The following SPIRE2 variants were observed in gnomAD, a reference collection of about 807,000 sequenced individuals.
The protein encoded by SPIRE2 is protein spire homolog 2.
SPIRE2 carries 76 observed loss-of-function variants against 80.7 expected under a neutral mutation model. The ratio of observed to expected loss-of-function variants is 0.94; its 90% CI spans 0.78 to 1.14. The LOEUF (loss-of-function observed/expected upper bound fraction) is 1.14, where lower values mean the gene tolerates loss of function less well. SPIRE2 is among the 50% of genes most tolerant of loss of function. SPIRE2 has a pLI of 0.00. For synonymous variants in SPIRE2, 535 were observed against 432.6 expected (o/e 1.24, Z -2.94); for missense variants, 1,196 against 1,015.3 (o/e 1.18, Z -2.42).
intron 1 of SPIRE2, chr16:89,836,335 C>T: frequency 2.3e-6 from 1 of 434,062 alleles, no homozygotes; most frequent in Non-Finnish European, 4.7e-6. Context: ...ACACAGACAG[C>T]TTTAGGGGCC....
intron 2 of SPIRE2, 121 bp from the exon 3 acceptor site, chr16:89,850,183 C>T (rs2041608338): frequency 4.7e-6 from 4 of 842,610 alleles, no homozygotes; most frequent in Admixed American, 2.0e-5. Flanking sequence ...GCCTTGGTCT[C>T]TTGTGGACCG....
intron 1 of SPIRE2, among the ~76,000 whole-genome samples, chr16:89,839,676 G>A (rs947072453): frequency 1.3e-5 from 2 of 152,112 alleles, no homozygotes; most frequent in Non-Finnish European, 2.9e-5. Context: ...GGCCACGTGC[G>A]GGGGTTGGGC....
chr16:89,864,225 G>A (rs547955289), intron 12 of SPIRE2, among the ~76,000 whole-genome samples: 2 of 152,262 alleles, frequency 1.3e-5, no homozygotes, highest in East Asian at 3.9e-4. Context: ...TCTAGGTCAT[G>A]AGCCACAGCT....
chr16:89,833,144 AC>A (rs2041404193), intron 1 of SPIRE2, among the ~76,000 whole-genome samples: 1 of 151,804 alleles, frequency 6.6e-6, no homozygotes, highest in African/African-American at 2.4e-5. Flanking sequence ...GGCATGTGCC[AC>A]CGCACATGCC....
intron 3 of SPIRE2, 95 bp from the exon 4 acceptor site, chr16:89,854,191 C>A: frequency 8.8e-7 from 1 of 1,132,760 alleles, no homozygotes; most frequent in Non-Finnish European, 1.3e-6. Flanking sequence ...TCGAGTGGAG[C>A]CCCCGTGACG....
chr16:89,834,226 G>A (rs142170114), intron 1 of SPIRE2, among the ~76,000 whole-genome samples: 50 of 133,506 alleles, frequency 3.7e-4, no homozygotes, highest in East Asian at 6.5e-4. Flanking sequence ...CTGTGCTCAC[G>A]GTTGGCCGTC....
chr16:89,840,392 G>A (rs143106090), intron 1 of SPIRE2, among the ~76,000 whole-genome samples: 9,180 of 151,508 alleles, frequency 0.061, 438 homozygotes, highest in East Asian at 0.23. Flanking sequence ...TGGGACTACA[G>A]GCGCCCGCCA....
At chr16:89,832,527 G>T (rs2041395994) in intron 1 of SPIRE2, among the ~76,000 whole-genome samples, 1 of 152,048 alleles carries the variant, frequency 6.6e-6, no homozygotes, top group Admixed American at 6.6e-5. Flanking sequence ...TGCTTGGAAT[G>T]CGTTCCTTAA....
chr16:89,869,381 A>AC (rs1271649459), intron 13 of SPIRE2, among the ~76,000 whole-genome samples, 186 bp from the exon 14 acceptor site: 2 of 151,936 alleles, frequency 1.3e-5, no homozygotes, highest in African/African-American at 4.8e-5. Context: ...GCAAGCAGGA[A>AC]CCCCGTGCCA....
chr16:89,854,735 G>C, intron 5 of SPIRE2, 84 bp downstream of exon 5: 2 of 1,497,994 alleles, frequency 1.3e-6, no homozygotes, highest in East Asian at 4.6e-5. Flanking sequence ...CCTGGATGTT[G>C]GGCAGCCCAC....
intron 8 of SPIRE2, among the ~76,000 whole-genome samples, chr16:89,858,857 G>A (rs754235079): frequency 6.6e-6 from 1 of 152,230 alleles, no homozygotes; most frequent in South Asian, 2.1e-4. Flanking sequence ...CACCCTGGCT[G>A]CCCTGTGAAT....
At chr16:89,843,685 GTTTTTGTTTTTTGT>G (rs1567671365) in intron 1 of SPIRE2, among the ~76,000 whole-genome samples, 1 of 21,308 alleles carries the variant, frequency 4.7e-5, no homozygotes, top group Non-Finnish European at 7.5e-5. Flanking sequence ...TTTTTTGTTT[GTTTTTGTTTTTTGT>G]TTTTTTTTTT....
intron 1 of SPIRE2, among the ~76,000 whole-genome samples, chr16:89,833,672 G>A (rs1233937105): frequency 6.6e-6 from 1 of 152,202 alleles, no homozygotes; most frequent in Non-Finnish European, 1.5e-5. Flanking sequence ...CCCTGGGCAC[G>A]CCTGGCTCCG....
chr16:89,869,053 A>ATATATATATATAT (rs1555601128), intron 13 of SPIRE2, among the ~76,000 whole-genome samples: 6 of 24,030 alleles, frequency 2.5e-4, no homozygotes, highest in African/African-American at 9.8e-4. Context: ...AAAAAAAAAA[A>ATATATATATATAT]ATATATATAT....
Position 89,844,473 on chromosome 16 carries a change from C to G in SPIRE2, c.245-849C>G, listed in dbSNP as rs567518429. On this transcript the variant is annotated intron_variant, in intron 1 of 14. Coordinates refer to ENST00000378247, the MANE Select transcript of SPIRE2 (RefSeq NM_032451.2). Reference sequence around the variant, plus strand: ...TTTTTTTTTGAGACAGAGTCTCACTCTGTTGCCCAGGCTGGAGTGCAGTGG... The same window carrying G: ...TTTTTTTTTGAGACAGAGTCTCACTGTGTTGCCCAGGCTGGAGTGCAGTGG... 3.5e-3 allele frequency among the ~76,000 whole-genome samples: 527 copies of G among 151,450 alleles called. 3 individuals carry two copies. Among genetic ancestry groups the G allele is most frequent in the Admixed American group, 6.3e-3 (96 of 15,192 alleles).
chr16:89,866,228 A>C (rs1471322013), intron 12 of SPIRE2, among the ~76,000 whole-genome samples: 3 of 152,170 alleles, frequency 2.0e-5, no homozygotes, highest in Non-Finnish European at 2.9e-5. Flanking sequence ...TGGAGGATGG[A>C]AACCATTACT....
chr16:89,862,596 TG>T (rs1212474382), intron 10 of SPIRE2: 2 of 152,184 alleles, frequency 1.3e-5, no homozygotes, highest in African/African-American at 4.8e-5. Context: ...TGAGGTGAAT[TG>T]TTCAGATGGA....
chr16:89,828,757 G>T lies in SPIRE2; in HGVS notation c.207G>T (p.Gly69=). The change falls in exon 1 of 15, where the codon GGG becomes GGT. Residue 69 remains glycine (G), a synonymous_variant. Coordinates refer to ENST00000378247, the MANE Select transcript of SPIRE2 (RefSeq NM_032451.2). This position sits in a 1 kb window ranked among gnomAD's most constrained non-coding sequence, Gnocchi z 5.9. ...ATACCGGGGACCTCCTGCTGCGCGG[G>T]GACGGCTCGGTCGGGGCGCGGGAGC... The part of the protein sequence containing the change: ...LRDTGDLLLR[G]DGSVGAREPE... 2 of 1,198,968 alleles carry T rather than the reference G, an allele frequency of 1.7e-6. No homozygotes were observed. The highest frequency in any genetic ancestry group is 2.1e-6 in the Non-Finnish European group (2 of 966,890). 74.3% of individuals were successfully genotyped at this position (1,198,968 alleles called of 1,614,324 possible). A position where few individuals can be genotyped will look rare whatever the true frequency, so the allele number is the denominator to read the frequency against.
intron 2 of SPIRE2, chr16:89,845,679 G>C: frequency 2.9e-6 from 2 of 686,476 alleles, no homozygotes; most frequent in South Asian, 1.5e-5. Flanking sequence ...CCCAGACACA[G>C]AGCCGGGGTC....
Sources: allele counts gnomAD v4.1 joint callset (sites outside exome capture counted in the v4.1 genomes callset), GRCh38; gene constraint gnomAD v4.1.1; non-coding constraint Gnocchi (gnomAD v3.1); transcripts MANE v1.5; gene names NCBI Gene and HGNC (gene_info 2026-07-23, HGNC 2026-07-21).